The following GRIN2B variants were observed in gnomAD, a reference collection of about 807,000 sequenced individuals.
GRIN2B encodes glutamate receptor ionotropic, NMDA 2B.
GRIN2B carries 5 observed loss-of-function variants against 114.5 expected under a neutral mutation model. The ratio of observed to expected loss-of-function variants is 0.04; its 90% CI spans 0.02 to 0.09. The LOEUF (loss-of-function observed/expected upper bound fraction) is 0.09. GRIN2B is among the 10% of genes least tolerant of loss of function. The probability of loss-of-function intolerance (pLI) is 1.00; values close to 1 mark genes in which losing one functional copy is unlikely to be tolerated. For missense variants in GRIN2B, 1,108 were observed against 1,943.5 expected (o/e 0.57, Z 8.08); for synonymous variants, 787 against 745.1 (o/e 1.06, Z -0.92).
intron 3 of GRIN2B, among the ~76,000 whole-genome samples, chr12:13,857,372 T>TACAC (rs142914230): frequency 0.038 from 5,612 of 147,642 alleles, 239 homozygotes; most frequent in African/African-American, 0.1. Context: ...CACGCGTGCA[T>TACAC]ACACACACAC....
chr12:13,691,202 C>A (rs1045351312), intron 4 of GRIN2B, among the ~76,000 whole-genome samples: 2 of 152,186 alleles, frequency 1.3e-5, no homozygotes, highest in African/African-American at 2.4e-5. Flanking sequence ...ACACTAAGAT[C>A]TTCTCTACAT....
At chr12:13,874,745 GA>G (rs1206774204) in intron 2 of GRIN2B, among the ~76,000 whole-genome samples, 1 of 152,182 alleles carries the variant, frequency 6.6e-6, no homozygotes, top group Non-Finnish European at 1.5e-5. Context: ...TTAAGAGGGG[GA>G]CGGGCAGTGA....
At position 13,806,236 on chromosome 12, in the gene GRIN2B, GC is replaced by G. The variant is rs1263127399; in HGVS notation, c.412-52322del. Among the ~76,000 whole-genome samples, 11 of 152,176 alleles carry G rather than the reference GC, an allele frequency of 7.2e-5. No individual in the cohort carries two copies. The East Asian group carries it at 2.1e-3, about 29-fold the overall frequency. On this transcript the variant is annotated intron_variant, in intron 3 of 13. Transcript: ENST00000609686. ...ATACTGGTTGCATTTCCTTTGAGAT[GC>G]CCAAAAGTGGGATTGCTGGGGTCAT...
chr12:13,954,323 T>C (rs1278915429), intron 2 of GRIN2B, among the ~76,000 whole-genome samples: 2 of 152,160 alleles, frequency 1.3e-5, no homozygotes, highest in Non-Finnish European at 2.9e-5. Flanking sequence ...ACTAGAGCCA[T>C]CTCCACTGCA....
chr12:13,870,526 C>A (rs977777356), intron 2 of GRIN2B, among the ~76,000 whole-genome samples: 5 of 152,098 alleles, frequency 3.3e-5, no homozygotes, highest in African/African-American at 1.2e-4. Flanking sequence ...TCAGAGCAGG[C>A]TCAAAGGGAA....
chr12:13,572,003 G>C, intron 10 of GRIN2B, 39 bp from the exon 11 acceptor site: 1 of 1,498,210 alleles, frequency 6.7e-7, no homozygotes, highest in Non-Finnish European at 9.3e-7. Flanking sequence ...AGCGGGAGAT[G>C]GAGGGAGAGA....
chr12:13,709,317 G>GA (rs369222156), intron 4 of GRIN2B, among the ~76,000 whole-genome samples: 17 of 151,754 alleles, frequency 1.1e-4, no homozygotes, highest in African/African-American at 4.1e-4. Flanking sequence ...GCTTGTACAA[G>GA]AAAAAAACAA....
intron 2 of GRIN2B, among the ~76,000 whole-genome samples, chr12:13,889,614 G>C (rs970931378): frequency 6.6e-6 from 1 of 152,062 alleles, no homozygotes; most frequent in Non-Finnish European, 1.5e-5. Flanking sequence ...TGAATAAAAA[G>C]GCTAGCATGT....
chr12:13,847,158 A>G (rs572447914), intron 3 of GRIN2B, among the ~76,000 whole-genome samples: 2 of 152,280 alleles, frequency 1.3e-5, no homozygotes, highest in South Asian at 4.2e-4. Flanking sequence ...CAATTTTTAA[A>G]ATTACAAAAT....
intron 3 of GRIN2B, among the ~76,000 whole-genome samples, chr12:13,865,262 A>G (rs1865808988): frequency 6.6e-6 from 1 of 152,208 alleles, no homozygotes; most frequent in Non-Finnish European, 1.5e-5. Flanking sequence ...GTCCATTTAC[A>G]AACAAGTGGA....
chr12:13,671,034 G>T (rs1950017741), intron 5 of GRIN2B, among the ~76,000 whole-genome samples: 1 of 152,138 alleles, frequency 6.6e-6, no homozygotes, highest in Non-Finnish European at 1.5e-5. Context: ...AATAACAATT[G>T]CTCTGGGGAG....
chr12:13,779,581 A>G (rs1234917489), intron 3 of GRIN2B, among the ~76,000 whole-genome samples: 1 of 152,266 alleles, frequency 6.6e-6, no homozygotes, highest in Non-Finnish European at 1.5e-5. Context: ...TTCAATGTGA[A>G]ATCAATACAA....
intron 4 of GRIN2B, chr12:13,684,007 T>A (rs1399223225): frequency 6.6e-6 from 1 of 152,168 alleles, no homozygotes; most frequent in African/African-American, 2.4e-5. Flanking sequence ...TCCTAATTCC[T>A]GGATCTCTGT....
intron 2 of GRIN2B, among the ~76,000 whole-genome samples, chr12:13,908,287 C>T (rs756321272): frequency 6.6e-6 from 1 of 151,500 alleles, no homozygotes; most frequent in Non-Finnish European, 1.5e-5. Flanking sequence ...AATGGGAAAT[C>T]CTGGAAACTG....
intron 10 of GRIN2B, among the ~76,000 whole-genome samples, chr12:13,581,909 CAAAAAAAA>C (rs71067711): frequency 1.7e-5 from 2 of 120,322 alleles, no homozygotes; most frequent in African/African-American, 3.0e-5. Flanking sequence ...GACTTTGTCT[CAAAAAAAA>C]AAAAAAAAAG....
chr12:13,863,061 C>T lies in GRIN2B; in HGVS notation c.411+2737G>A, dbSNP rs1160831305. ...ACTGCCCACCTACCTCCTTATTTGG[C>T]GGAGAGAAAGACATGATGGAATATT... On this transcript the variant is annotated intron_variant, in intron 3 of 13. Coordinates refer to ENST00000609686, the MANE Select transcript of GRIN2B (RefSeq NM_000834.5). 5.3e-5 allele frequency among the ~76,000 whole-genome samples: 8 copies of T among 152,228 alleles called. No homozygotes were observed. In the South Asian group the frequency reaches 8.3e-4, roughly 16 times the overall value.
intron 5 of GRIN2B, among the ~76,000 whole-genome samples, chr12:13,640,119 T>C (rs1227099122): frequency 6.6e-6 from 1 of 152,046 alleles, no homozygotes; most frequent in East Asian, 1.9e-4. Context: ...GGCATGGTGG[T>C]ACATGATTGT....
chr12:13,571,227 G>A (rs1245084925), intron 11 of GRIN2B, among the ~76,000 whole-genome samples: 2 of 152,210 alleles, frequency 1.3e-5, no homozygotes, highest in African/African-American at 4.8e-5. Flanking sequence ...CCATAGCTGT[G>A]GCTTGTGGAG....
intron 2 of GRIN2B, among the ~76,000 whole-genome samples, chr12:13,946,375 G>C (rs1468993976): frequency 1.3e-5 from 2 of 151,972 alleles, no homozygotes; most frequent in African/African-American, 4.8e-5. Flanking sequence ...TTTTTAAAAT[G>C]TAAGATTAAC....
Sources: gnomAD v4.1 joint callset for allele counts (sites outside exome capture counted in the v4.1 genomes callset) on GRCh38, gnomAD v4.1.1 for gene constraint, MANE v1.5 for transcripts, NCBI Gene and HGNC (gene_info 2026-07-23, HGNC 2026-07-21) for gene names.